Variants in KCNIP3 observed in about 807,000 individuals in gnomAD.
KCNIP3 encodes potassium voltage-gated channel interacting protein 3.
KCNIP3 carries 28 observed loss-of-function variants against 35.0 expected under a neutral mutation model. That is an observed-to-expected ratio of 0.80 (90% CI 0.59 to 1.10). KCNIP3 has a LOEUF of 1.10. KCNIP3 is among the 50% of genes least tolerant of loss of function. The probability of loss-of-function intolerance (pLI) is 0.00; values close to 1 mark genes in which losing one functional copy is unlikely to be tolerated. For synonymous variants in KCNIP3, 134 were observed against 133.8 expected, an observed-to-expected ratio of 1.00 and a Z score of -0.01; for missense variants, 295 against 338.4, an observed-to-expected ratio of 0.87 and a Z score of 1.01.
At chr2:95,364,909 A>AC (rs1254932857) in intron 2 of KCNIP3, among the ~76,000 whole-genome samples, 1 of 151,720 alleles carries the variant, frequency 6.6e-6, no homozygotes, top group Non-Finnish European at 1.5e-5. Context: ...ACATGACAAA[A>AC]CCCTGTCTCT....
chr2:95,309,625 T>C (rs1678262489), intron 1 of KCNIP3, among the ~76,000 whole-genome samples: 1 of 152,166 alleles, frequency 6.6e-6, no homozygotes, highest in South Asian at 2.1e-4. Context: ...GGTTTCATCA[T>C]GTTGGTCAGG....
At chr2:95,311,760 A>C (rs1678324250) in intron 2 of KCNIP3, 1 of 151,956 alleles carries the variant, frequency 6.6e-6, no homozygotes. Context: ...GCCCCTACCC[A>C]TCTGTGATGC....
rs189422470 is a variant in KCNIP3 at position 95,377,174 on chromosome 2, C to T, written c.447+1966C>T. On this transcript the variant is annotated intron_variant, in intron 5 of 8. Coordinates refer to ENST00000295225, the MANE Select transcript of KCNIP3 (RefSeq NM_013434.5). The surrounding 1 kb of genome is among the most constrained non-coding windows in gnomAD (Gnocchi z 4.7). ...TTGCTGAACGCTCTGGCCACCAGGG[C>T]CTTTCTCGTGCAACTCATCTGGCTT... is the stretch of plus-strand genomic sequence containing the variant. Among the ~76,000 whole-genome samples the T allele has an allele frequency of 1.3e-5, 2 of 152,342 alleles. No homozygotes were observed. The highest frequency in any genetic ancestry group is 1.9e-4 in the East Asian group (1 of 5,178).
intron 2 of KCNIP3, among the ~76,000 whole-genome samples, chr2:95,321,978 G>A (rs1678608411): frequency 2.0e-5 from 3 of 152,096 alleles, no homozygotes; most frequent in Admixed American, 6.5e-5. Context: ...CTACTCTTAA[G>A]CATCTCATCT....
intron 1 of KCNIP3, among the ~76,000 whole-genome samples, chr2:95,300,605 C>T (rs1678000870): frequency 1.3e-5 from 2 of 152,124 alleles, no homozygotes; most frequent in Admixed American, 1.3e-4. Context: ...GGGGCGAGTC[C>T]CGTGCTGCTT....
At chr2:95,341,340 G>A (rs1679189662) in intron 2 of KCNIP3, among the ~76,000 whole-genome samples, 1 of 152,162 alleles carries the variant, frequency 6.6e-6, no homozygotes, top group South Asian at 2.1e-4. Flanking sequence ...GCACCACGCT[G>A]CCTGGTCAGC....
chr2:95,346,043 C>T (rs932760201), intron 2 of KCNIP3, among the ~76,000 whole-genome samples: 5 of 152,362 alleles, frequency 3.3e-5, no homozygotes, highest in Admixed American at 3.3e-4. Flanking sequence ...GTTCCGCAGA[C>T]GCCAGGGCCA....
chr2:95,322,154 C>T (rs1425530211), intron 2 of KCNIP3, among the ~76,000 whole-genome samples: 1 of 152,096 alleles, frequency 6.6e-6, no homozygotes, highest in Non-Finnish European at 1.5e-5. Flanking sequence ...TGCTTGAGCC[C>T]AGGAGTTCGA....
At chr2:95,324,262 A>G (rs890470554) in intron 2 of KCNIP3, among the ~76,000 whole-genome samples, 2 of 152,238 alleles carry the variant, frequency 1.3e-5, no homozygotes, top group Non-Finnish European at 2.9e-5. Flanking sequence ...CTGTAATCCC[A>G]GCACTTTGGG....
At chr2:95,347,190 T>A in intron 2 of KCNIP3, 1 of 1,323,344 alleles carries the variant, frequency 7.6e-7, no homozygotes, top group Non-Finnish European at 1.1e-6. Flanking sequence ...GAGGGACCAG[T>A]ACCCGCACGC....
rs1321573792 is a variant in KCNIP3 at position 95,377,458 on chromosome 2, C to T, written c.447+2250C>T. 2.6e-5 allele frequency among the ~76,000 whole-genome samples: 4 copies of T among 152,270 alleles called. No individual in the cohort carries two copies. Among genetic ancestry groups the T allele is most frequent in the African/African-American group, 9.6e-5 (4 of 41,476 alleles). On this transcript the variant is annotated intron_variant, in intron 5 of 8. Coordinates refer to ENST00000295225, the MANE Select transcript of KCNIP3 (RefSeq NM_013434.5). This position sits in a 1 kb window ranked among gnomAD's most constrained non-coding sequence, Gnocchi z 4.7. ...CCTCGCTGAGCACCTGCTCCGGGCT[C>T]TGCCGGGAGACCCTCCTGTGCACTC... is the stretch of plus-strand genomic sequence containing the variant.
At chr2:95,307,729 A>T (rs1243343571) in intron 1 of KCNIP3, among the ~76,000 whole-genome samples, 3 of 152,276 alleles carry the variant, frequency 2.0e-5, no homozygotes, top group African/African-American at 4.8e-5. Flanking sequence ...TTGCCAGCCA[A>T]GCCAGTGCTG....
At chr2:95,362,694 G>A (rs183953254) in intron 2 of KCNIP3, among the ~76,000 whole-genome samples, 14 of 152,258 alleles carry the variant, frequency 9.2e-5, no homozygotes, top group Admixed American at 3.3e-4. Flanking sequence ...AGGAATGCGA[G>A]CAGTGGGGAC....
chr2:95,345,948 C>G (rs969773733), intron 2 of KCNIP3, among the ~76,000 whole-genome samples: 18 of 152,356 alleles, frequency 1.2e-4, no homozygotes, highest in African/African-American at 3.6e-4. Context: ...AGGCGGGCGT[C>G]TCCCCCTCTC....
At chr2:95,357,637 T>G (rs555802383) in intron 2 of KCNIP3, among the ~76,000 whole-genome samples, 1 of 152,124 alleles carries the variant, frequency 6.6e-6, no homozygotes, top group African/African-American at 2.4e-5. Flanking sequence ...AAGTCATGAG[T>G]GCAGGGCCAC....
chr2:95,350,512 C>G (rs1394249242), intron 2 of KCNIP3, among the ~76,000 whole-genome samples: 2 of 152,128 alleles, frequency 1.3e-5, no homozygotes, highest in Admixed American at 6.5e-5. Context: ...TTCTCCTGTC[C>G]CCTCTGCTCC....
chr2:95,379,306 C>T (rs1377845526), intron 5 of KCNIP3, among the ~76,000 whole-genome samples: 7 of 152,212 alleles, frequency 4.6e-5, no homozygotes, highest in Admixed American at 2.6e-4. Context: ...CCTTTGCCTA[C>T]GGTTAACATT....
rs564523667 is a variant in KCNIP3 at position 95,382,727 on chromosome 2, C to T, written c.660+246C>T. 6.6e-5 allele frequency among the ~76,000 whole-genome samples: 10 copies of T among 152,286 alleles called. No individual in the cohort carries two copies. In the South Asian group the frequency reaches 8.3e-4, roughly 13 times the overall value. ...GATCCTGAGGCAGCTGACCCTGGGCCGGAGCTCCATGCCTCCTGAGAGCTG... is the reference window on the plus strand; with the variant it reads ...GATCCTGAGGCAGCTGACCCTGGGCTGGAGCTCCATGCCTCCTGAGAGCTG... On this transcript the variant is annotated intron_variant, in intron 7 of 8. Transcript: ENST00000295225. This position sits in a 1 kb window ranked among gnomAD's most constrained non-coding sequence, Gnocchi z 4.5.
intron 2 of KCNIP3, among the ~76,000 whole-genome samples, chr2:95,316,642 T>C (rs957250790): frequency 6.6e-6 from 1 of 152,278 alleles, no homozygotes; most frequent in African/African-American, 2.4e-5. Flanking sequence ...GTGGTCCCCA[T>C]GTCAGGAAGG....
Sources: gnomAD v4.1 joint callset for allele counts (sites outside exome capture counted in the v4.1 genomes callset) on GRCh38, gnomAD v4.1.1 for gene constraint, Gnocchi (gnomAD v3.1) non-coding constraint, MANE v1.5 for transcripts, NCBI Gene and HGNC (gene_info 2026-07-23, HGNC 2026-07-21) for gene names.